Variants in KLF16 observed in about 807,000 individuals in gnomAD.
KLF16 encodes the protein Krueppel-like factor 16.
A neutral mutation model predicts 6.1 loss-of-function variants in KLF16; 6 were observed. That is an observed-to-expected ratio of 0.98 (90% confidence interval 0.54 to 1.93). KLF16 has a LOEUF of 1.93. Ranked by LOEUF, KLF16 falls within the 30% of genes most tolerant of loss-of-function variation. KLF16 has a pLI of 0.01. For missense variants in KLF16, 355 were observed against 363.8 expected (o/e 0.98, Z 0.20); for synonymous variants, 211 against 176.5 (o/e 1.20, Z -1.55).
the KLF16 span, among the ~76,000 whole-genome samples, chr19:1,870,606 T>C: frequency 2.0e-5 from 3 of 151,432 alleles, no homozygotes; most frequent in Non-Finnish European, 2.9e-5. Flanking sequence ...GACTGGGAGG[T>C]TGGGGCTGCA....
At chr19:1,856,984 A>C (rs975973416) in intron 1 of KLF16, among the ~76,000 whole-genome samples, 3 of 127,590 alleles carry the variant, frequency 2.4e-5, no homozygotes, top group African/African-American at 3.4e-5. Context: ...AGGGGCGCGC[A>C]GCCGCTGGGA....
intron 1 of KLF16, among the ~76,000 whole-genome samples, chr19:1,859,329 C>G (rs1337746362): frequency 6.6e-6 from 1 of 151,960 alleles, no homozygotes; most frequent in East Asian, 1.9e-4. Flanking sequence ...CTCAGACACT[C>G]CTCTGCACAC....
At chr19:1,871,141 C>G in the KLF16 span, among the ~76,000 whole-genome samples, 2 of 152,218 alleles carry the variant, frequency 1.3e-5, no homozygotes, top group African/African-American at 4.8e-5. Context: ...TCAGGCAGAA[C>G]CGTCAGTCCT....
chr19:1,863,105 G>A lies in KLF16; in HGVS notation c.393C>T (p.Phe131=), dbSNP rs2012103912. ...SAAAKSHRCP[F]PDCAKAYYKS... is the part of the protein sequence containing the mutation. ...TGTAGTAGGCTTTGGCGCAGTCCGG[G>A]AAGGGACAGCGGTGGCTCTTGGCGG... The change falls in exon 1 of 2, where the codon TTC becomes TTT. Residue 131 remains phenylalanine (F), a synonymous_variant. Transcript: ENST00000250916. 6 of 1,397,572 alleles carry A rather than the reference G, an allele frequency of 4.3e-6. No individual in the cohort carries two copies. In the South Asian group the frequency reaches 5.4e-5, roughly 13 times the overall value. The allele number at this position is 1,397,572 out of a possible 1,614,324, so 86.6% of individuals were successfully genotyped here.
upstream of KLF16, chr19:1,863,588 C>CGGAGGAGGAGGAGGA (rs571616389): frequency 4.5e-6 from 2 of 445,390 alleles, no homozygotes; most frequent in African/African-American, 4.7e-5. Context: ...GTGCGGGAGG[C>CGGAGGAGGAGGAGGA]GGAGGAGGAG....
intron 1 of KLF16, among the ~76,000 whole-genome samples, 176 bp from the exon 2 acceptor site, chr19:1,854,936 C>A (rs4806812): frequency 6.6e-6 from 1 of 151,986 alleles, no homozygotes; most frequent in Non-Finnish European, 1.5e-5. Context: ...TACCCGCCCC[C>A]CGGTGGCCCA....
chr19:1,865,113 GCCCTCCCT>G (rs2012165516), upstream of KLF16, among the ~76,000 whole-genome samples: 1 of 152,222 alleles, frequency 6.6e-6, no homozygotes. Context: ...AGCCAGCTGA[GCCCTCCCT>G]GGGCCCCAGT....
the KLF16 span, chr19:1,875,811 G>C: frequency 6.6e-6 from 1 of 152,358 alleles, no homozygotes; most frequent in African/African-American, 2.4e-5. Context: ...CCGCGCTGAG[G>C]GGCACGGCGC....
upstream of KLF16, among the ~76,000 whole-genome samples, chr19:1,863,919 C>T (rs1217984396): frequency 4.7e-5 from 7 of 148,230 alleles, no homozygotes; most frequent in Non-Finnish European, 7.5e-5. Context: ...GGGAGCCCCG[C>T]CCCCTCCCGG....
chr19:1,873,269 C>A, the KLF16 span, among the ~76,000 whole-genome samples: 3 of 152,222 alleles, frequency 2.0e-5, no homozygotes. Context: ...CCACGAATGC[C>A]AGTCGGGGCT....
chr19:1,861,186 G>A (rs1210782500), intron 1 of KLF16, among the ~76,000 whole-genome samples: 2 of 152,158 alleles, frequency 1.3e-5, no homozygotes, highest in Admixed American at 6.5e-5. Flanking sequence ...ATACCCGGGG[G>A]CCTATGGAAG....
intron 1 of KLF16, among the ~76,000 whole-genome samples, chr19:1,860,672 C>A (rs901326785): frequency 6.6e-6 from 1 of 152,060 alleles, no homozygotes; most frequent in Admixed American, 6.5e-5. Flanking sequence ...GGCTCCCTCC[C>A]AAAAAAACGC....
intron 1 of KLF16, among the ~76,000 whole-genome samples, chr19:1,858,979 C>T (rs1178801302): frequency 6.6e-6 from 1 of 152,142 alleles, no homozygotes; most frequent in African/African-American, 2.4e-5. Context: ...GAGCCCTCCC[C>T]ATCCCACTAG....
chr19:1,856,213 G>A lies in KLF16; in HGVS notation c.458-1453C>T, dbSNP rs1015624169. ...GCGGGAGGGGCACGGCCATGCTCAGGGTGACCGAGTGACATCTCTGCTCTA... is the reference window on the plus strand; with the variant it reads ...GCGGGAGGGGCACGGCCATGCTCAGAGTGACCGAGTGACATCTCTGCTCTA... On this transcript the variant is annotated intron_variant, in intron 1 of 1. Coordinates refer to ENST00000250916, the MANE Select transcript of KLF16 (RefSeq NM_031918.4). Among the ~76,000 whole-genome samples, 21 of 152,144 alleles carry A rather than the reference G, an allele frequency of 1.4e-4. 1 individual carries two copies. The highest frequency in any genetic ancestry group is 2.8e-4 in the Non-Finnish European group (19 of 68,010).
upstream of KLF16, among the ~76,000 whole-genome samples, chr19:1,863,817 G>A (rs1351789833): frequency 6.9e-6 from 1 of 144,064 alleles, no homozygotes; most frequent in African/African-American, 2.5e-5. Flanking sequence ...CGGGCCGGAG[G>A]AACCCGCCCC....
Position 1,854,465 on chromosome 19 carries a change from G to A in KLF16, c.753C>T (p.Gly251=), listed in dbSNP as rs1387143339. 7.1e-7 allele frequency: 1 copy of A among 1,414,930 alleles called. No individual in the cohort carries two copies. The highest frequency in any genetic ancestry group is 3.4e-5 in the Admixed American group (1 of 29,812). 87.6% of individuals were successfully genotyped at this position (1,414,930 alleles called of 1,614,324 possible). ...GGTGGGCTGCACGAGGGCCCTACAG[G>A]CCTGCGGGGGCTGGGCTGGGCGCGG... The part of the protein sequence containing the change: ...PSPAPSPAPA[G]L The change falls in exon 2 of 2, where the codon GGC becomes GGT. Residue 251 remains glycine, a synonymous_variant. Coordinates refer to ENST00000250916, the MANE Select transcript of KLF16 (RefSeq NM_031918.4).
chr19:1,863,976 A>C (rs1173738278), upstream of KLF16, among the ~76,000 whole-genome samples: 11 of 79,010 alleles, frequency 1.4e-4, no homozygotes, highest in Admixed American at 4.9e-4. Flanking sequence ...CCGGAGCACC[A>C]CCCCCTCAAG....
At chr19:1,875,308 A>T in the KLF16 span, 4 of 152,182 alleles carry the variant, frequency 2.6e-5, 1 homozygote, top group African/African-American at 9.6e-5. Context: ...GTGCTATAAA[A>T]CTCCGTTTCC....
At chr19:1,854,944 C>A (rs2031069246) in intron 1 of KLF16, among the ~76,000 whole-genome samples, 184 bp from the exon 2 acceptor site, 1 of 152,132 alleles carries the variant, frequency 6.6e-6, no homozygotes, top group Non-Finnish European at 1.5e-5. Context: ...CCCCGGTGGC[C>A]CAACACGAGA....
Sources: allele counts gnomAD v4.1 joint callset (sites outside exome capture counted in the v4.1 genomes callset), GRCh38; gene constraint gnomAD v4.1.1; transcripts MANE v1.5; gene names NCBI Gene and HGNC (gene_info 2026-07-23, HGNC 2026-07-21).